AGBL1: variants seen among roughly 807,000 people sequenced by gnomAD.
The protein encoded by AGBL1 is cytosolic carboxypeptidase 4.
A neutral mutation model predicts 118.9 loss-of-function variants in AGBL1; 130 were observed. The ratio of observed to expected loss-of-function variants is 1.09; its 90% CI spans 0.95 to 1.26. The LOEUF is 1.26. Among genes scored for constraint, AGBL1 ranks in the 50% most tolerant of loss-of-function variants. The pLI, the probability that AGBL1 is intolerant of heterozygous loss-of-function variation, is 0.00. For missense variants in AGBL1, 1,584 were observed against 1,298.1 expected (o/e 1.22, Z -3.38); for synonymous variants, 555 against 478.9 (o/e 1.16, Z -2.08).
chr15:86,256,722 G>A (rs1398045367), intron 7 of AGBL1, 131 bp from the exon 8 acceptor site: 31 of 854,342 alleles, frequency 3.6e-5, no homozygotes, highest in South Asian at 7.1e-5. Flanking sequence ...CTGTCCATGC[G>A]TATAATTCAT....
At chr15:86,098,835 T>A (rs1023308510) in intron 1 of AGBL1, among the ~76,000 whole-genome samples, 5 of 152,182 alleles carry the variant, frequency 3.3e-5, no homozygotes, top group South Asian at 4.1e-4. Context: ...AGATTTTTTT[T>A]AATTCTGTGA....
intron 19 of AGBL1, among the ~76,000 whole-genome samples, chr15:86,535,906 A>G (rs1370704297): frequency 6.6e-6 from 1 of 152,140 alleles, no homozygotes; most frequent in Non-Finnish European, 1.5e-5. Flanking sequence ...AATAAGTGTT[A>G]TTTTTGCTTA....
intron 3 of AGBL1, among the ~76,000 whole-genome samples, chr15:86,145,047 A>G (rs2077014701): frequency 6.6e-6 from 1 of 152,040 alleles, no homozygotes; most frequent in African/African-American, 2.4e-5. Flanking sequence ...TGGACTATAG[A>G]TGCATCACTC....
At position 86,908,606 on chromosome 15, in the gene AGBL1, G is replaced by C. The variant is rs569511217; in HGVS notation, c.*1312G>C. 1.3e-5 allele frequency: 2 copies of C among 152,362 alleles called. No individual in the cohort carries two copies. Among genetic ancestry groups the C allele is most frequent in the East Asian group, 1.9e-4 (1 of 5,182 alleles). The allele number at this position is 152,362 out of a possible 1,614,324, so 9.4% of individuals were successfully genotyped here. ...CTCTTACTGGAAGGGAGCTGGGAAG[G>C]AGATTACAGAGGAGCAGAATCTAGG... On this transcript the variant is annotated 3_prime_UTR_variant, in exon 23 of 23. Transcript: ENST00000614907.
chr15:86,551,997 G>C (rs1160414877), intron 20 of AGBL1, among the ~76,000 whole-genome samples: 1 of 152,178 alleles, frequency 6.6e-6, no homozygotes, highest in East Asian at 1.9e-4. Context: ...AGGAAAAATA[G>C]GTGGAACACA....
chr15:86,436,320 A>G lies in AGBL1; in HGVS notation c.2555+38774A>G, dbSNP rs971439669. ...AGAAAGGGCAGGGCTGCAACAAATG[A>G]AACACCAAAGAAGAGATTGAAAATA... On this transcript the variant is annotated intron_variant, in intron 18 of 22. Coordinates refer to ENST00000614907, the MANE Select transcript of AGBL1 (RefSeq NM_001386094.1). Among the ~76,000 whole-genome samples the G allele has an allele frequency of 5.9e-5, 9 of 152,150 alleles. No individual in the cohort carries two copies. In the South Asian group the frequency reaches 1.9e-3, roughly 32 times the overall value.
chr15:86,701,214 T>C (rs1034820851), intron 22 of AGBL1, among the ~76,000 whole-genome samples: 3 of 152,084 alleles, frequency 2.0e-5, no homozygotes, highest in African/African-American at 7.2e-5. Flanking sequence ...AGTAAGGAAA[T>C]GGAGTAATTA....
chr15:86,142,037 C>G lies in AGBL1; in HGVS notation c.85C>G (p.Leu29Val). 6.5e-7 allele frequency: 1 copy of G among 1,550,244 alleles called. No individual in the cohort carries two copies. The highest frequency in any genetic ancestry group is 1.2e-5 in the South Asian group (1 of 83,946). ...SSDKESILTI[L>V]KVLGDLLSVG... Reference sequence around the variant, plus strand: ...TGACAAGGAGTCCATCCTGACCATCCTCAAGGTCCTCGGAGATCTGCTTTC... The same window carrying G: ...TGACAAGGAGTCCATCCTGACCATCGTCAAGGTCCTCGGAGATCTGCTTTC... The change falls in exon 2 of 23, where the codon CTC becomes GTC. Residue 29 changes from leucine (L) to valine (V), a missense_variant. By Grantham distance (32) the Leu-to-Val change is conservative. Coordinates refer to ENST00000614907, the MANE Select transcript of AGBL1 (RefSeq NM_001386094.1).
rs2083796155 is a variant in AGBL1, at chr15:86,560,242, T to G, written c.2994+5705T>G. 3.3e-5 allele frequency among the ~76,000 whole-genome samples: 5 copies of G among 152,062 alleles called. No individual in the cohort carries two copies. In the South Asian group the frequency reaches 1.0e-3, roughly 32 times the overall value. ...TGCCATGTTGGTGTGCTACACCCAT[T>G]AACTCGTCATTTACAATAGGGATAT... On this transcript the variant is annotated intron_variant, in intron 21 of 22. Transcript: ENST00000614907.
chr15:86,507,800 A>G (rs2082996804), intron 18 of AGBL1, among the ~76,000 whole-genome samples: 1 of 152,044 alleles, frequency 6.6e-6, no homozygotes, highest in Admixed American at 6.6e-5. Context: ...GAAAGTGGTG[A>G]GTTATACTTG....
chr15:86,269,232 G>A (rs762100247), intron 13 of AGBL1, among the ~76,000 whole-genome samples: 1 of 152,122 alleles, frequency 6.6e-6, no homozygotes, highest in East Asian at 1.9e-4. Context: ...AACAACCCCT[G>A]CATTGCTAGC....
At chr15:86,826,197 C>A in intron 22 of AGBL1, among the ~76,000 whole-genome samples, 1 of 151,894 alleles carries the variant, frequency 6.6e-6, no homozygotes, top group East Asian at 1.9e-4. Flanking sequence ...ACATCAAATC[C>A]CTATATTAAG....
intron 23 of AGBL1, among the ~76,000 whole-genome samples, chr15:86,947,077 A>G (rs554252525): frequency 2.0e-5 from 3 of 152,178 alleles, no homozygotes; most frequent in Non-Finnish European, 4.4e-5. Flanking sequence ...AATCAGCTAG[A>G]AACACGAAGA....
At chr15:86,233,213 G>A (rs1187299065) in intron 6 of AGBL1, among the ~76,000 whole-genome samples, 1 of 152,262 alleles carries the variant, frequency 6.6e-6, no homozygotes, top group Admixed American at 6.5e-5. Flanking sequence ...ACTGGACTCT[G>A]GGTTCAATGC....
At chr15:86,674,217 T>C in intron 21 of AGBL1, 56 bp from the exon 22 acceptor site, 1 of 1,508,956 alleles carries the variant, frequency 6.6e-7, no homozygotes, top group Non-Finnish European at 9.0e-7. Context: ...TTTCAAAGTG[T>C]CACCACTCAG....
chr15:86,733,444 A>G (rs1319296880), intron 22 of AGBL1, among the ~76,000 whole-genome samples: 5 of 152,172 alleles, frequency 3.3e-5, no homozygotes, highest in Non-Finnish European at 7.3e-5. Flanking sequence ...ACACCCAGAA[A>G]TAATGCTTTA....
chr15:86,536,724 G>A (rs1358570925), intron 19 of AGBL1, among the ~76,000 whole-genome samples: 1 of 152,130 alleles, frequency 6.6e-6, no homozygotes, highest in Non-Finnish European at 1.5e-5. Context: ...TGGAGGGGAG[G>A]GGAAAATAGG....
At chr15:86,843,855 A>G (rs369961129) in intron 22 of AGBL1, among the ~76,000 whole-genome samples, 5 of 152,174 alleles carry the variant, frequency 3.3e-5, no homozygotes, top group African/African-American at 1.2e-4. Flanking sequence ...TATTATCATC[A>G]TCCCTATTTT....
At chr15:86,654,641 G>T (rs2085433426) in intron 21 of AGBL1, among the ~76,000 whole-genome samples, 1 of 152,120 alleles carries the variant, frequency 6.6e-6, no homozygotes, top group Admixed American at 6.6e-5. Context: ...GTGGATGGCA[G>T]GTGTCAGGGT....
Sources: gnomAD v4.1 joint callset for allele counts (sites outside exome capture counted in the v4.1 genomes callset) on GRCh38, gnomAD v4.1.1 for gene constraint, MANE v1.5 for transcripts, NCBI Gene and HGNC (gene_info 2026-07-23, HGNC 2026-07-21) for gene names.